SYN3: variants seen among roughly 807,000 people sequenced by gnomAD.
SYN3 encodes the protein synapsin III.
Under a neutral mutation model 65.8 loss-of-function variants are expected in SYN3, and 35 were observed. The observed-to-expected ratio is 0.53, with a 90% CI of 0.41 to 0.70. The LOEUF (loss-of-function observed/expected upper bound fraction) is 0.70. SYN3 is among the 30% of genes least tolerant of loss of function. The pLI, the probability that SYN3 is intolerant of heterozygous loss-of-function variation, is 0.00. For synonymous variants in SYN3, 270 were observed against 292.9 expected, an observed-to-expected ratio of 0.92 and a Z score of 0.80; for missense variants, 680 against 749.0, an observed-to-expected ratio of 0.91 and a Z score of 1.08.
At chr22:32,966,163 G>C (rs2051837672) in intron 3 of SYN3, among the ~76,000 whole-genome samples, 1 of 152,186 alleles carries the variant, frequency 6.6e-6, no homozygotes, top group East Asian at 1.9e-4. Context: ...TGGGAAGTGT[G>C]ATGTAGACAC....
intron 4 of SYN3, among the ~76,000 whole-genome samples, chr22:32,888,234 T>G (rs137509): frequency 0.93 from 140,876 of 152,212 alleles, 65,255 homozygotes; most frequent in African/African-American, 0.97. Flanking sequence ...AAATAAGATA[T>G]AACTATTATT....
At chr22:32,916,403 T>C (rs2050186893) in intron 4 of SYN3, among the ~76,000 whole-genome samples, 2 of 152,204 alleles carry the variant, frequency 1.3e-5, no homozygotes, top group Non-Finnish European at 2.9e-5. Context: ...AGGATACAGA[T>C]CCAGAAAGGA....
intron 4 of SYN3, among the ~76,000 whole-genome samples, chr22:32,888,404 T>C (rs960942125): frequency 1.3e-5 from 2 of 152,146 alleles, no homozygotes; most frequent in African/African-American, 4.8e-5. Context: ...TATGTAACTT[T>C]ATAAGAAACT....
chr22:32,852,139 T>C (rs1192813908), intron 6 of SYN3, among the ~76,000 whole-genome samples: 5 of 152,368 alleles, frequency 3.3e-5, no homozygotes, highest in Middle Eastern at 3.4e-3. Flanking sequence ...GATAACACCT[T>C]GTCCTCTGTT....
At chr22:32,658,913 C>A (rs889382735) in intron 6 of SYN3, among the ~76,000 whole-genome samples, 4 of 152,154 alleles carry the variant, frequency 2.6e-5, no homozygotes, top group Non-Finnish European at 5.9e-5. Flanking sequence ...ACATACATTG[C>A]GAGCATACCA....
chr22:32,595,643 C>G (rs1349212856), intron 7 of SYN3, among the ~76,000 whole-genome samples: 1 of 152,156 alleles, frequency 6.6e-6, no homozygotes, highest in Non-Finnish European at 1.5e-5. Context: ...TGGGTCCCCA[C>G]CCAAATCTCA....
At chr22:32,827,990 C>G (rs1187149732) in intron 6 of SYN3, among the ~76,000 whole-genome samples, 2 of 152,180 alleles carry the variant, frequency 1.3e-5, no homozygotes, top group African/African-American at 2.4e-5. Flanking sequence ...TGTCTATTCC[C>G]CTTTGCCTCC....
At chr22:32,650,246 C>T (rs2413131) in intron 6 of SYN3, among the ~76,000 whole-genome samples, 19 of 98,842 alleles carry the variant, frequency 1.9e-4, no homozygotes, top group South Asian at 1.9e-3. Context: ...TCCCTCCCTC[C>T]CTCCCTCCCT....
intron 10 of SYN3, among the ~76,000 whole-genome samples, chr22:32,530,756 G>A (rs147556703): frequency 0.023 from 3,520 of 152,160 alleles, 71 homozygotes; most frequent in East Asian, 0.11. Context: ...TGTAATCCCA[G>A]CACTTTGGGA....
At chr22:33,030,234 G>A (rs1188222135) in intron 1 of SYN3, among the ~76,000 whole-genome samples, 4 of 152,204 alleles carry the variant, frequency 2.6e-5, no homozygotes, top group African/African-American at 4.8e-5. Flanking sequence ...TCCACAAGCC[G>A]CTCCTTTCTG....
At chr22:32,955,369 G>A (rs936120943) in intron 3 of SYN3, among the ~76,000 whole-genome samples, 2 of 152,108 alleles carry the variant, frequency 1.3e-5, no homozygotes, top group Non-Finnish European at 2.9e-5. Flanking sequence ...TTCAGATAGG[G>A]GGTGGGGGGC....
intron 6 of SYN3, chr22:32,859,416 G>C: frequency 6.3e-7 from 1 of 1,586,850 alleles, no homozygotes; most frequent in Non-Finnish European, 8.5e-7. Context: ...CTCCCTTCCC[G>C]CTGAGCTTCC....
chr22:32,919,273 T>C (rs1387746464), intron 4 of SYN3, among the ~76,000 whole-genome samples: 1 of 152,166 alleles, frequency 6.6e-6, no homozygotes, highest in African/African-American at 2.4e-5. Flanking sequence ...CCTTCCCTGC[T>C]TCCCACACCT....
At chr22:33,015,369 G>A in intron 1 of SYN3, 1 of 499,974 alleles carries the variant, frequency 2.0e-6, no homozygotes, top group Non-Finnish European at 3.5e-6. Flanking sequence ...TGTACAGGGC[G>A]AATTTGTAAT....
Position 32,771,071 on chromosome 22 carries a change from C to A in SYN3, c.711+93844G>T, listed in dbSNP as rs547705503. Among the ~76,000 whole-genome samples, 32 of 152,120 alleles carry A rather than the reference C, an allele frequency of 2.1e-4. No individual in the cohort carries two copies. The South Asian group carries it at 5.2e-3, about 25-fold the overall frequency. ...TCTCCCTCCCCTTGCCCCTCACCCC[C>A]CAACAGGCCCTGGTGTGTGATGTTC... On this transcript the variant is annotated intron_variant, in intron 6 of 13. Coordinates refer to ENST00000358763, the MANE Select transcript of SYN3 (RefSeq NM_003490.4).
At chr22:32,775,112 G>A (rs2045877348) in intron 6 of SYN3, among the ~76,000 whole-genome samples, 1 of 152,190 alleles carries the variant, frequency 6.6e-6, no homozygotes, top group South Asian at 2.1e-4. Context: ...TCTGGCTGGT[G>A]AGGGCTCTCT....
intron 1 of SYN3, among the ~76,000 whole-genome samples, chr22:33,043,784 G>A (rs1425625453): frequency 6.6e-6 from 1 of 152,132 alleles, no homozygotes; most frequent in South Asian, 2.1e-4. Flanking sequence ...GTCAGGCGCA[G>A]TGGCTCACGC....
rs557784484 is a variant in SYN3 at position 32,962,400 on chromosome 22, C to T, written c.369+18245G>A. Among the ~76,000 whole-genome samples the T allele has an allele frequency of 1.7e-3, 263 of 152,278 alleles. 2 individuals carry two copies. The highest frequency in any genetic ancestry group is 6.0e-3 in the African/African-American group (250 of 41,554). ...CTGCCCACCTCGGCCTCCCAGAGTG[C>T]TGGGATTACAGGCGTGAGCCACTAC... On this transcript the variant is annotated intron_variant, in intron 3 of 13. Transcript: ENST00000358763.
In SYN3 at chr22:32,654,261, G is replaced by A. The variant is rs189291012; in HGVS notation, c.712-57525C>T. Among the ~76,000 whole-genome samples the A allele has an allele frequency of 3.3e-3, 502 of 152,176 alleles. 3 individuals are homozygous for A. The highest frequency in any genetic ancestry group is 5.7e-3 in the Non-Finnish European group (385 of 68,008). ...CTCCCTCCACTTTCTCAGTTCCTTG[G>A]TCCTGGCAGTTTTTCTTGTCTGGAC... On this transcript the variant is annotated intron_variant, in intron 6 of 13. Transcript: ENST00000358763.
Sources: gnomAD v4.1 joint callset for allele counts (sites outside exome capture counted in the v4.1 genomes callset) on GRCh38, gnomAD v4.1.1 for gene constraint, MANE v1.5 for transcripts, NCBI Gene and HGNC (gene_info 2026-07-23, HGNC 2026-07-21) for gene names.